The following FOCAD variants were observed in gnomAD, a reference collection of about 807,000 sequenced individuals.
FOCAD encodes the protein KIAA1797.
FOCAD carries 198 observed loss-of-function variants against 225.6 expected under a neutral mutation model. The ratio of observed to expected loss-of-function variants is 0.88; its 90% CI spans 0.78 to 0.99. The LOEUF is 0.99. Among genes scored for constraint, FOCAD ranks in the 50% least tolerant of loss-of-function variants. The pLI, the probability that FOCAD is intolerant of heterozygous loss-of-function variation, is 0.00. For synonymous variants in FOCAD, 897 were observed against 755.0 expected (o/e 1.19, Z -3.08); for missense variants, 2,713 against 2,123.6 (o/e 1.28, Z -5.46).
intron 21 of FOCAD, among the ~76,000 whole-genome samples, chr9:20,898,822 A>G (rs1025087534): frequency 6.6e-6 from 1 of 151,992 alleles, no homozygotes; most frequent in Admixed American, 6.6e-5. Context: ...AGGTAAAAGG[A>G]AATAAAGTAA....
intron 10 of FOCAD, chr9:20,787,154 A>G (rs1052099443): frequency 6.1e-6 from 1 of 165,260 alleles, no homozygotes; most frequent in Non-Finnish European, 1.3e-5. Context: ...GTAACCTAGG[A>G]TTGCTTTTCT....
chr9:20,882,032 C>G lies in FOCAD; in HGVS notation c.2479C>G (p.Pro827Ala). 1 of 1,613,524 alleles carries G rather than the reference C, an allele frequency of 6.2e-7. No individual in the cohort carries two copies. The change falls in exon 20 of 44, where the codon CCA becomes GCA. Residue 827 changes from proline to alanine, a missense_variant. Coordinates refer to ENST00000338382, the MANE Select transcript of FOCAD (RefSeq NM_001375567.1). ...GAAAATGTATGAAACAAACAAGCAA[C>G]CAGGACTGAAACCTGGCCTTGCAGG... is the stretch of plus-strand genomic sequence containing the variant. ...ILKMYETNKQPGLKPGLAGGM... is the reference protein window; with the variant it reads ...ILKMYETNKQAGLKPGLAGGM...
intron 21 of FOCAD, among the ~76,000 whole-genome samples, chr9:20,906,675 C>A (rs1238881865): frequency 6.6e-6 from 1 of 152,036 alleles, no homozygotes; most frequent in Non-Finnish European, 1.5e-5. Flanking sequence ...GCTCTTACCA[C>A]TGTGGTTTCT....
chr9:20,953,222 G>C (rs1837841596), intron 35 of FOCAD, among the ~76,000 whole-genome samples, 157 bp downstream of exon 35: 1 of 152,176 alleles, frequency 6.6e-6, no homozygotes, highest in Non-Finnish European at 1.5e-5. Flanking sequence ...GAGATGACCA[G>C]CAGCTAGCTA....
intron 43 of FOCAD, among the ~76,000 whole-genome samples, chr9:20,995,291 C>T (rs1170778639): frequency 2.0e-5 from 3 of 151,568 alleles, no homozygotes; most frequent in Non-Finnish European, 4.4e-5. Flanking sequence ...AAAAACATCA[C>T]CAGCATCCCA....
chr9:20,782,386 G>A (rs116970674), intron 10 of FOCAD, among the ~76,000 whole-genome samples: 30 of 152,174 alleles, frequency 2.0e-4, no homozygotes, highest in East Asian at 1.5e-3. Context: ...ACCTCTTGCC[G>A]TGTTCCCTGG....
intron 15 of FOCAD, among the ~76,000 whole-genome samples, chr9:20,857,973 G>A (rs1828370946): frequency 6.6e-6 from 1 of 151,862 alleles, no homozygotes; most frequent in Non-Finnish European, 1.5e-5. Context: ...TCTTTTTAAT[G>A]TATTGTTGAA....
At chr9:20,920,312 A>C (rs1414336810) in intron 24 of FOCAD, among the ~76,000 whole-genome samples, 1 of 130,620 alleles carries the variant, frequency 7.7e-6, no homozygotes, top group African/African-American at 3.0e-5. Flanking sequence ...GTCAGGAAAC[A>C]ACAGGTGCTG....
intron 5 of FOCAD, among the ~76,000 whole-genome samples, chr9:20,744,743 A>G (rs1827907756): frequency 6.6e-6 from 1 of 152,216 alleles, no homozygotes; most frequent in African/African-American, 2.4e-5. Flanking sequence ...TGTTGCCATG[A>G]AACAATGGGA....
intron 1 of FOCAD, chr9:20,658,534 C>T (rs140851504): frequency 0.022 from 3,393 of 154,540 alleles, 53 homozygotes; most frequent in Non-Finnish European, 0.036. Context: ...GGGAGTGACC[C>T]GATTTTCTAG....
chr9:20,776,469 A>G (rs149461898), intron 8 of FOCAD, among the ~76,000 whole-genome samples: 3 of 152,222 alleles, frequency 2.0e-5, no homozygotes, highest in South Asian at 2.1e-4. Flanking sequence ...AAATCAATCA[A>G]TCAAAAAACT....
At chr9:20,903,895 T>G (rs1232758016) in intron 21 of FOCAD, among the ~76,000 whole-genome samples, 2 of 151,934 alleles carry the variant, frequency 1.3e-5, no homozygotes, top group Non-Finnish European at 2.9e-5. Flanking sequence ...ACAGCCACTT[T>G]CTATTCCCTC....
intron 11 of FOCAD, among the ~76,000 whole-genome samples, chr9:20,792,112 A>C (rs1351140745): frequency 6.6e-6 from 1 of 152,222 alleles, no homozygotes; most frequent in African/African-American, 2.4e-5. Flanking sequence ...GGGAATACCT[A>C]ACAAAAGATT....
chr9:20,753,095 T>C (rs933737268), intron 5 of FOCAD, among the ~76,000 whole-genome samples: 3 of 152,202 alleles, frequency 2.0e-5, no homozygotes, highest in Non-Finnish European at 2.9e-5. Flanking sequence ...TACAATCATG[T>C]TGTCTGCAAA....
intron 13 of FOCAD, 131 bp from the exon 14 acceptor site, chr9:20,820,810 G>T: frequency 1.0e-6 from 1 of 984,594 alleles, no homozygotes; most frequent in Non-Finnish European, 1.5e-6. Flanking sequence ...CTTCTCTGCT[G>T]ATTAGAAGAA....
intron 28 of FOCAD, among the ~76,000 whole-genome samples, chr9:20,934,172 T>C (rs1372413668): frequency 3.3e-5 from 5 of 152,218 alleles, no homozygotes; most frequent in Non-Finnish European, 7.3e-5. Flanking sequence ...CTGTTTACTC[T>C]GCTGACTGTT....
rs145030053 is a variant in FOCAD, at chr9:20,823,069, C to T, written c.1874C>T (p.Pro625Leu). Residue 625 changes from proline to leucine, a missense_variant, in exon 15 of 44, where the codon CCA becomes CTA. Pro to Leu is a moderately conservative substitution (Grantham distance 98, BLOSUM62 -3). Transcript: ENST00000338382. ...TGCACCAAGCCTGATCAAGCTACTC[C>T]AGCAGCCTTGGTATTACAGGGTCTT... ...NECTKPDQAT[P>L]AALVLQGLHA... 9.3e-6 allele frequency: 15 copies of T among 1,609,120 alleles called. No individual in the cohort carries two copies. The East Asian group carries it at 2.9e-4, about 31-fold the overall frequency.
intron 11 of FOCAD, among the ~76,000 whole-genome samples, chr9:20,805,537 TTCAG>T (rs1417347683): frequency 6.6e-6 from 1 of 152,220 alleles, no homozygotes; most frequent in African/African-American, 2.4e-5. Context: ...TTTGTTAATT[TTCAG>T]GTCAAATACC....
At chr9:20,728,233 C>A (rs906260852) in intron 4 of FOCAD, among the ~76,000 whole-genome samples, 8 of 152,014 alleles carry the variant, frequency 5.3e-5, no homozygotes, top group African/African-American at 1.7e-4. Context: ...ATGCTTGGGA[C>A]CAGAAGTGTT....
Sources: allele counts gnomAD v4.1 joint callset (sites outside exome capture counted in the v4.1 genomes callset), GRCh38; gene constraint gnomAD v4.1.1; transcripts MANE v1.5; gene names NCBI Gene and HGNC (gene_info 2026-07-23, HGNC 2026-07-21).